Variants in EFCAB5 observed in about 807,000 individuals in gnomAD.
EFCAB5 encodes EF-hand calcium-binding domain-containing protein 5.
Under a neutral mutation model 167.9 loss-of-function variants are expected in EFCAB5, and 131 were observed. The ratio of observed to expected loss-of-function variants is 0.78; its 90% confidence interval spans 0.68 to 0.90. The LOEUF is 0.90. EFCAB5 is among the 40% of genes least tolerant of loss of function. The pLI is 0.00. For missense variants in EFCAB5, 1,663 were observed against 1,745.2 expected, an observed-to-expected ratio of 0.95 and a Z score of 0.84; for synonymous variants, 574 against 602.8, an observed-to-expected ratio of 0.95 and a Z score of 0.70.
intron 3 of EFCAB5, among the ~76,000 whole-genome samples, chr17:29,955,018 A>G (rs149263405): frequency 2.0e-5 from 3 of 152,280 alleles, no homozygotes; most frequent in Non-Finnish European, 4.4e-5. Context: ...TTTGGAATGG[A>G]TGTATACCCA....
At chr17:29,939,409 C>A (rs576171804), upstream of EFCAB5, among the ~76,000 whole-genome samples, 1 of 152,324 alleles carries the variant, frequency 6.6e-6, no homozygotes, top group South Asian at 2.1e-4. Context: ...AAGTCACCAG[C>A]TGCATTAGCC....
intron 3 of EFCAB5, among the ~76,000 whole-genome samples, chr17:29,946,180 A>T (rs752733233): frequency 6.6e-6 from 1 of 152,194 alleles, no homozygotes; most frequent in Non-Finnish European, 1.5e-5. Flanking sequence ...TGACATGAAC[A>T]GACATTTCTC....
intron 4 of EFCAB5, among the ~76,000 whole-genome samples, chr17:29,991,914 A>T (rs1273683065): frequency 6.6e-6 from 1 of 152,240 alleles, no homozygotes; most frequent in Non-Finnish European, 1.5e-5. Context: ...TCAATATCTT[A>T]TAATTATATA....
intron 3 of EFCAB5, among the ~76,000 whole-genome samples, chr17:29,944,975 G>C (rs1371748386): frequency 6.6e-6 from 1 of 151,994 alleles, no homozygotes; most frequent in African/African-American, 2.4e-5. Context: ...TATTCCGTTT[G>C]ATCCAAAGCT....
In EFCAB5 at chr17:30,092,833, T is replaced by C. The variant is rs2071228093; in HGVS notation, c.4225-7T>C. On this transcript the variant is annotated splice_region_variant and splice_polypyrimidine_tract_variant and intron_variant, in intron 21 of 22. Coordinates refer to ENST00000394835, the MANE Select transcript of EFCAB5 (RefSeq NM_198529.4). ...CCCATAAATTTTCTCTTGTTGTTTG[T>C]TCACAGTATGTTAACAAATATTTAG... 1.2e-6 allele frequency: 2 copies of C among 1,604,442 alleles called. No individual in the cohort carries two copies. Among genetic ancestry groups the C allele is most frequent in the Admixed American group, 1.7e-5 (1 of 58,378 alleles).
intron 14 of EFCAB5, among the ~76,000 whole-genome samples, chr17:30,070,585 G>A (rs1170663853): frequency 6.6e-6 from 1 of 152,298 alleles, no homozygotes; most frequent in South Asian, 2.1e-4. Flanking sequence ...ATTCATTGGG[G>A]AAGGGAGAGT....
intron 8 of EFCAB5, among the ~76,000 whole-genome samples, chr17:30,047,782 C>T (rs866672111): frequency 3.3e-5 from 5 of 152,102 alleles, no homozygotes; most frequent in Admixed American, 2.0e-4. Context: ...AACTATAGGT[C>T]CAGAAACATG....
In EFCAB5 at chr17:29,969,005, T is replaced by C. The variant is rs373059917; in HGVS notation, c.405T>C (p.Asp135=). ...RAQAMQQKII[D]KENLKKELEK... is the part of the protein sequence containing the mutation. ...AAGCAATGCAGCAGAAAATAATAGA[T>C]AAGGAAAATCTGAAGAAGGAACTAG... The change falls in exon 4 of 23, where the codon GAT becomes GAC. Residue 135 remains aspartate (D), a synonymous_variant. Transcript: ENST00000394835. 7.6e-6 allele frequency: 12 copies of C among 1,587,994 alleles called. No individual in the cohort carries two copies. The African/African-American group carries it at 8.2e-5, about 11-fold the overall frequency.
At chr17:30,093,944 A>G (rs2071247778) in intron 22 of EFCAB5, among the ~76,000 whole-genome samples, 1 of 152,086 alleles carries the variant, frequency 6.6e-6, no homozygotes, top group African/African-American at 2.4e-5. Flanking sequence ...TGCCAGAAGG[A>G]GAGGAGTCTT....
chr17:30,017,929 G>A (rs956108945), intron 7 of EFCAB5, among the ~76,000 whole-genome samples: 5 of 152,068 alleles, frequency 3.3e-5, no homozygotes, highest in African/African-American at 9.7e-5. Context: ...CTTTTACAAT[G>A]TGTTTTGCTA....
At chr17:29,936,167 G>A (rs2067243846) in intron 1 of EFCAB5, among the ~76,000 whole-genome samples, 1 of 152,146 alleles carries the variant, frequency 6.6e-6, no homozygotes, top group South Asian at 2.1e-4. Flanking sequence ...GGACATGGAT[G>A]AAGCTGGAAA....
In EFCAB5 at chr17:30,092,937, G is replaced by A. The variant is rs2071229602; in HGVS notation, c.4321+1G>A. On this transcript the variant is annotated splice_donor_variant, in intron 22 of 22. Coordinates refer to ENST00000394835, the MANE Select transcript of EFCAB5 (RefSeq NM_198529.4). LOFTEE classifies it high-confidence loss of function. ...CAGCTTATTGATGAATATATCAGAGGTAAATTTCCACTTAATTACAGCCTA... is the reference window on the plus strand; with the variant it reads ...CAGCTTATTGATGAATATATCAGAGATAAATTTCCACTTAATTACAGCCTA... 2 of 1,595,210 alleles carry A rather than the reference G, an allele frequency of 1.3e-6. No homozygotes were observed. Among genetic ancestry groups the A allele is most frequent in the African/African-American group, 1.3e-5 (1 of 74,194 alleles).
At chr17:30,083,325 T>C (rs1214189381) in intron 18 of EFCAB5, among the ~76,000 whole-genome samples, 1 of 152,194 alleles carries the variant, frequency 6.6e-6, no homozygotes. Context: ...AGGGCTCTCT[T>C]GTGTTCATCT....
rs995525948 is a variant in EFCAB5, at chr17:29,962,130, T to C, written c.191-6661T>C. Among the ~76,000 whole-genome samples the C allele has an allele frequency of 3.3e-5, 5 of 152,180 alleles. No homozygotes were observed. In the East Asian group the frequency reaches 9.6e-4, roughly 29 times the overall value. ...GTTGGGTAGTGTGAATCCTTCAAGTTTGTTCCTTTTGTTTTTTCAAGATTT... is the reference window on the plus strand; with the variant it reads ...GTTGGGTAGTGTGAATCCTTCAAGTCTGTTCCTTTTGTTTTTTCAAGATTT... On this transcript the variant is annotated intron_variant, in intron 3 of 22. Coordinates refer to ENST00000394835, the MANE Select transcript of EFCAB5 (RefSeq NM_198529.4).
At chr17:30,030,716 G>A (rs867937761) in intron 7 of EFCAB5, among the ~76,000 whole-genome samples, 3 of 151,422 alleles carry the variant, frequency 2.0e-5, no homozygotes, top group Non-Finnish European at 4.4e-5. Flanking sequence ...GGGCTGGAGT[G>A]ATGTGATCAT....
chr17:30,068,513 A>C (rs2070639487), intron 14 of EFCAB5: 1 of 576,482 alleles, frequency 1.7e-6, no homozygotes, highest in Non-Finnish European at 2.9e-6. Flanking sequence ...AAAAAATGGA[A>C]AGACATCTCA....
chr17:29,991,097 C>T (rs938191109), intron 4 of EFCAB5, among the ~76,000 whole-genome samples: 1 of 152,196 alleles, frequency 6.6e-6, no homozygotes, highest in African/African-American at 2.4e-5. Context: ...AGGGCCCAAA[C>T]TTGTCCCATT....
At position 30,054,141 on chromosome 17, in the gene EFCAB5, C is replaced by T. The variant is rs532164894; in HGVS notation, c.2187C>T (p.His729=). The T allele has an allele frequency of 9.1e-6, 14 of 1,544,104 alleles. No individual in the cohort carries two copies. The African/African-American group carries it at 1.4e-4, about 15-fold the overall frequency. The change falls in exon 10 of 23, where the codon CAC becomes CAT. Residue 729 remains histidine, a synonymous_variant. Transcript: ENST00000394835. ...TTCCAACCTTAAGCAGAAAAGATCA[C>T]TTTCCAGGTAGTAATGCAGTTCTTC... ...EEVPTLSRKD[H]FPETTKKEVQ... is the part of the protein sequence containing the mutation.
rs543134530 is a variant in EFCAB5 at position 29,986,108 on chromosome 17, C to T, written c.768-7057C>T. On this transcript the variant is annotated intron_variant, in intron 4 of 22. Transcript: ENST00000394835. ...CTAATCCATCTGTAGCTCCTTCAAG[C>T]GCTCCAGTTCCTGGCATTAAGGTCA... 3.9e-5 allele frequency among the ~76,000 whole-genome samples: 6 copies of T among 152,324 alleles called. No individual in the cohort carries two copies. In the South Asian group the frequency reaches 6.2e-4, roughly 16 times the overall value.
Sources: allele counts gnomAD v4.1 joint callset (sites outside exome capture counted in the v4.1 genomes callset), GRCh38; gene constraint gnomAD v4.1.1; transcripts MANE v1.5; gene names NCBI Gene and HGNC (gene_info 2026-07-23, HGNC 2026-07-21).